The following FGGY variants were observed in gnomAD, a reference collection of about 807,000 sequenced individuals.
FGGY encodes the protein FGGY carbohydrate kinase domain containing.
FGGY carries 72 observed loss-of-function variants against 71.3 expected under a neutral mutation model. The ratio of observed to expected loss-of-function variants is 1.01; its 90% CI spans 0.84 to 1.23. The LOEUF is 1.23. Among genes scored for constraint, FGGY ranks in the 50% most tolerant of loss-of-function variants. The pLI is 0.00. For missense variants in FGGY, 668 were observed against 682.3 expected, an observed-to-expected ratio of 0.98 and a Z score of 0.23; for synonymous variants, 251 against 250.3, an observed-to-expected ratio of 1.00 and a Z score of -0.02.
intron 8 of FGGY, among the ~76,000 whole-genome samples, chr1:59,554,641 G>C (rs979608636): frequency 6.6e-6 from 1 of 152,098 alleles, no homozygotes. Flanking sequence ...CCATCTCCCT[G>C]GGAGCGTCCT....
At chr1:59,438,420 G>A (rs376976306) in intron 5 of FGGY, among the ~76,000 whole-genome samples, 45 of 152,296 alleles carry the variant, frequency 3.0e-4, no homozygotes, top group African/African-American at 9.9e-4. Context: ...GAATTAGCCA[G>A]TGCTCATGTT....
chr1:59,457,532 G>A (rs776397859), intron 6 of FGGY, among the ~76,000 whole-genome samples: 3 of 152,016 alleles, frequency 2.0e-5, no homozygotes, highest in Non-Finnish European at 4.4e-5. Context: ...GATTGCTTGA[G>A]CCTGGGAGGC....
chr1:59,486,221 CACTTA>C (rs1319350203), intron 6 of FGGY, among the ~76,000 whole-genome samples: 1 of 152,146 alleles, frequency 6.6e-6, no homozygotes, highest in Non-Finnish European at 1.5e-5. Context: ...AAGGCCTGAA[CACTTA>C]AGAAGAGCCA....
intron 9 of FGGY, among the ~76,000 whole-genome samples, chr1:59,616,663 A>G (rs879467091): frequency 7.2e-5 from 11 of 152,044 alleles, no homozygotes; most frequent in Admixed American, 2.0e-4. Flanking sequence ...TAATGATGGT[A>G]ATATTAATTG....
intron 6 of FGGY, among the ~76,000 whole-genome samples, chr1:59,461,024 C>G (rs987806054): frequency 2.6e-5 from 4 of 152,210 alleles, no homozygotes; most frequent in African/African-American, 9.7e-5. Flanking sequence ...TCCAAAGGAT[C>G]ACAATTCCCT....
At chr1:59,731,642 G>T (rs561483422) in intron 14 of FGGY, among the ~76,000 whole-genome samples, 1 of 151,986 alleles carries the variant, frequency 6.6e-6, no homozygotes, top group African/African-American at 2.4e-5. Flanking sequence ...AGATGGGGGT[G>T]GGGGGCATTC....
At chr1:59,410,394 G>A (rs562789184) in intron 5 of FGGY, among the ~76,000 whole-genome samples, 1 of 152,148 alleles carries the variant, frequency 6.6e-6, no homozygotes, top group East Asian at 1.9e-4. Flanking sequence ...CAGAAAGGTT[G>A]AGTCACTTGC....
At chr1:59,344,587 T>G (rs1256868958) in intron 3 of FGGY, among the ~76,000 whole-genome samples, 1 of 152,152 alleles carries the variant, frequency 6.6e-6, no homozygotes, top group East Asian at 1.9e-4. Flanking sequence ...TTCCTCTGTA[T>G]CTGAGGGGTA....
chr1:59,698,012 A>G (rs1394302403), intron 14 of FGGY, among the ~76,000 whole-genome samples: 3 of 152,146 alleles, frequency 2.0e-5, no homozygotes, highest in Non-Finnish European at 2.9e-5. Flanking sequence ...TCAAAAAAGC[A>G]TGTCTTTTTT....
At chr1:59,419,693 T>C (rs1182675986) in intron 5 of FGGY, among the ~76,000 whole-genome samples, 6 of 152,190 alleles carry the variant, frequency 3.9e-5, no homozygotes, top group African/African-American at 1.4e-4. Context: ...AAAAGGATTC[T>C]TGATGAACTA....
intron 14 of FGGY, among the ~76,000 whole-genome samples, chr1:59,685,682 A>T (rs1339389362): frequency 6.6e-6 from 1 of 152,182 alleles, no homozygotes; most frequent in Non-Finnish European, 1.5e-5. Context: ...TTAATTCTGG[A>T]TTGGTGAGTG....
intron 6 of FGGY, among the ~76,000 whole-genome samples, chr1:59,510,291 G>A (rs1369967396): frequency 6.6e-6 from 1 of 152,024 alleles, no homozygotes; most frequent in African/African-American, 2.4e-5. Flanking sequence ...GGTAGTATGG[G>A]TCCTATTGTA....
At chr1:59,600,783 A>C (rs2096569422) in intron 8 of FGGY, among the ~76,000 whole-genome samples, 1 of 152,178 alleles carries the variant, frequency 6.6e-6, no homozygotes, top group Non-Finnish European at 1.5e-5. Flanking sequence ...AAATGACCTA[A>C]CCAGAAATAT....
At chr1:59,391,656 G>A (rs1039960519) in intron 5 of FGGY, among the ~76,000 whole-genome samples, 1 of 152,164 alleles carries the variant, frequency 6.6e-6, no homozygotes, top group African/African-American at 2.4e-5. Flanking sequence ...CCACTAGTCT[G>A]AATCTGTTCC....
At chr1:59,372,859 A>G (rs899894229) in intron 4 of FGGY, among the ~76,000 whole-genome samples, 1 of 151,990 alleles carries the variant, frequency 6.6e-6, no homozygotes, top group Admixed American at 6.5e-5. Flanking sequence ...AAATTCAACA[A>G]CCCTTCATGC....
intron 1 of FGGY, among the ~76,000 whole-genome samples, chr1:59,311,108 GCTTCACA>G (rs1008694707): frequency 6.6e-6 from 1 of 152,084 alleles, no homozygotes; most frequent in Non-Finnish European, 1.5e-5. Flanking sequence ...ATCTGAAAAG[GCTTCACA>G]GGATTAACAG....
intron 8 of FGGY, among the ~76,000 whole-genome samples, chr1:59,595,246 A>C (rs2096506138): frequency 6.6e-6 from 1 of 152,172 alleles, no homozygotes; most frequent in African/African-American, 2.4e-5. Context: ...GAAACAGCAC[A>C]TAGTAGCTGC....
In FGGY at chr1:59,554,212, T is replaced by G. The variant is rs144977691; in HGVS notation, c.888T>G (p.Ser296=). 1.2e-6 allele frequency: 2 copies of G among 1,613,386 alleles called. No individual in the cohort carries two copies. Among genetic ancestry groups the G allele is most frequent in the South Asian group, 1.1e-5 (1 of 91,036 alleles). ...GGCTGGCTGTCATCTGTGGAACGTC[T>G]TCTTGTCACATGGGGGTGAGTCCAC... is the stretch of plus-strand genomic sequence containing the variant. ...TSRLAVICGT[S]SCHMGISKDP... is the part of the protein sequence containing the mutation. Residue 296 remains serine (S), a synonymous_variant, in exon 8 of 16, where the codon TCT becomes TCG. Coordinates refer to ENST00000303721, the MANE Select transcript of FGGY (RefSeq NM_018291.5).
chr1:59,613,863 T>C (rs374868972), intron 9 of FGGY, among the ~76,000 whole-genome samples: 2 of 152,138 alleles, frequency 1.3e-5, no homozygotes, highest in Non-Finnish European at 1.5e-5. Flanking sequence ...GAGAATACTA[T>C]AAACACCTCT....
Sources: gnomAD v4.1 joint callset for allele counts (sites outside exome capture counted in the v4.1 genomes callset) on GRCh38, gnomAD v4.1.1 for gene constraint, MANE v1.5 for transcripts, NCBI Gene and HGNC (gene_info 2026-07-23, HGNC 2026-07-21) for gene names.